Variants in PPARGC1A observed in about 807,000 individuals in gnomAD.
PPARGC1A encodes peroxisome proliferator-activated receptor gamma coactivator 1-alpha.
PPARGC1A carries 25 observed loss-of-function variants against 88.7 expected under a neutral mutation model. The observed-to-expected ratio is 0.28, with a 90% CI of 0.21 to 0.39. The LOEUF (loss-of-function observed/expected upper bound fraction) is 0.39. PPARGC1A is among the 10% of genes least tolerant of loss of function. The pLI is 1.00. For missense variants in PPARGC1A, 880 were observed against 968.7 expected (o/e 0.91, Z 1.22); for synonymous variants, 363 against 355.6 (o/e 1.02, Z -0.24).
the PPARGC1A span, among the ~76,000 whole-genome samples, chr4:24,396,316 T>C: frequency 6.6e-6 from 1 of 152,204 alleles, no homozygotes; most frequent in Non-Finnish European, 1.5e-5. Flanking sequence ...GACTTACACA[T>C]GCTCATTCTA....
At chr4:24,077,664 TG>T in the PPARGC1A span, among the ~76,000 whole-genome samples, 63 of 150,602 alleles carry the variant, frequency 4.2e-4, 1 homozygote, top group South Asian at 8.4e-4. Context: ...TGTGTGTGTG[TG>T]TGTGTGTTTC....
chr4:24,272,322 G>A, the PPARGC1A span, among the ~76,000 whole-genome samples: 4 of 151,902 alleles, frequency 2.6e-5, no homozygotes, highest in Non-Finnish European at 5.9e-5. Context: ...TGTCTCTAAC[G>A]ATGGCCTTTA....
At chr4:24,455,092 G>A in the PPARGC1A span, among the ~76,000 whole-genome samples, 3 of 152,132 alleles carry the variant, frequency 2.0e-5, no homozygotes, top group Admixed American at 2.0e-4. Context: ...AAAACAAATA[G>A]GGCTGATAAG....
the PPARGC1A span, among the ~76,000 whole-genome samples, chr4:24,301,996 C>T: frequency 3.3e-5 from 5 of 152,092 alleles, no homozygotes; most frequent in African/African-American, 1.2e-4. Flanking sequence ...TGAAGCAATG[C>T]TGTTTGTTTC....
chr4:24,044,403 A>G, the PPARGC1A span, among the ~76,000 whole-genome samples: 1 of 152,154 alleles, frequency 6.6e-6, no homozygotes, highest in Non-Finnish European at 1.5e-5. Flanking sequence ...GCACAGCAAA[A>G]GTATTAGGAA....
the PPARGC1A span, among the ~76,000 whole-genome samples, chr4:24,445,932 G>A: frequency 6.6e-6 from 1 of 152,034 alleles, no homozygotes; most frequent in East Asian, 1.9e-4. Flanking sequence ...CCTGGTGTGG[G>A]GGCATGTGCT....
At chr4:23,825,270 AG>A (rs1395200256) in intron 5 of PPARGC1A, 1 of 152,078 alleles carries the variant, frequency 6.6e-6, no homozygotes, top group Non-Finnish European at 1.5e-5. Flanking sequence ...GAACAGAAGG[AG>A]GGGAAAATAT....
the PPARGC1A span, among the ~76,000 whole-genome samples, chr4:24,276,260 G>A: frequency 6.6e-6 from 1 of 152,132 alleles, no homozygotes; most frequent in African/African-American, 2.4e-5. Flanking sequence ...ATAGCTTGGG[G>A]AGGAGCTCAA....
At chr4:24,091,388 T>C in the PPARGC1A span, 4 of 931,468 alleles carry the variant, frequency 4.3e-6, no homozygotes, top group Non-Finnish European at 5.1e-6. Context: ...CACAAATTGA[T>C]GTACGCATAT....
the PPARGC1A span, among the ~76,000 whole-genome samples, chr4:24,355,659 T>C: frequency 6.6e-6 from 1 of 152,102 alleles, no homozygotes; most frequent in Non-Finnish European, 1.5e-5. Context: ...TTGATTGAAA[T>C]GACCATGTTA....
chr4:24,163,063 T>C, the PPARGC1A span, among the ~76,000 whole-genome samples: 1 of 151,688 alleles, frequency 6.6e-6, no homozygotes, highest in Non-Finnish European at 1.5e-5. Context: ...GTCATATGCA[T>C]ATGTTCTGAA....
the PPARGC1A span, among the ~76,000 whole-genome samples, chr4:24,223,847 T>C: frequency 6.6e-6 from 1 of 152,190 alleles, no homozygotes; most frequent in Non-Finnish European, 1.5e-5. Context: ...GATTTACAAA[T>C]AAAATGTTTT....
At chr4:24,191,622 CA>C in the PPARGC1A span, among the ~76,000 whole-genome samples, 2 of 152,052 alleles carry the variant, frequency 1.3e-5, no homozygotes, top group East Asian at 3.9e-4. Flanking sequence ...ACCTTTTTAA[CA>C]AGAGAACTCT....
chr4:23,985,090 A>T, the PPARGC1A span, among the ~76,000 whole-genome samples: 126,112 of 152,096 alleles, frequency 0.83, 52,396 homozygotes, highest in Non-Finnish European at 0.84. Context: ...GAAAGTTTGG[A>T]GGACAAAAGC....
At chr4:24,009,150 A>AAAAAAAAAAAG in the PPARGC1A span, among the ~76,000 whole-genome samples, 2,753 of 79,884 alleles carry the variant, frequency 0.034, 324 homozygotes, top group African/African-American at 0.14. Flanking sequence ...AAAAAAAAAA[A>AAAAAAAAAAAG]AGAGAGAGAA....
chr4:24,144,367 G>A, the PPARGC1A span, among the ~76,000 whole-genome samples: 1 of 152,138 alleles, frequency 6.6e-6, no homozygotes, highest in Non-Finnish European at 1.5e-5. Context: ...AAACTCTGAT[G>A]GAGATATACA....
chr4:24,141,125 G>A, the PPARGC1A span, among the ~76,000 whole-genome samples: 1 of 152,188 alleles, frequency 6.6e-6, no homozygotes, highest in Admixed American at 6.5e-5. Context: ...GTTAGGGAGA[G>A]AAGTAGGGAG....
the PPARGC1A span, among the ~76,000 whole-genome samples, chr4:23,918,938 C>G: frequency 1.3e-5 from 2 of 152,024 alleles, no homozygotes; most frequent in East Asian, 3.9e-4. Flanking sequence ...CTCTACTAGT[C>G]TCTCTGTTTA....
At chr4:23,899,275 C>T (rs1719009470) in exon 1 of PPARGC1A, 1 of 152,246 alleles carries the variant, frequency 6.6e-6, no homozygotes, top group Admixed American at 6.5e-5. Flanking sequence ...ACCTGGGGCT[C>T]TCCTGTGGGT....
Sources: allele counts gnomAD v4.1 joint callset (sites outside exome capture counted in the v4.1 genomes callset), GRCh38; gene constraint gnomAD v4.1.1; transcripts MANE v1.5; gene names NCBI Gene and HGNC (gene_info 2026-07-23, HGNC 2026-07-21).